Variants in ADAM22 observed in about 807,000 individuals in gnomAD.
The protein encoded by ADAM22 is ADAM metallopeptidase domain 22.
ADAM22 carries 65 observed loss-of-function variants against 144.6 expected under a neutral mutation model. That is an observed-to-expected ratio of 0.45 (90% CI 0.37 to 0.55). The LOEUF is 0.55. Among genes scored for constraint, ADAM22 ranks in the 20% least tolerant of loss-of-function variants. The probability of loss-of-function intolerance (pLI) is 0.00; values close to 1 mark genes in which losing one functional copy is unlikely to be tolerated. For missense variants in ADAM22, 974 were observed against 1,184.9 expected (o/e 0.82, Z 2.61); for synonymous variants, 391 against 412.6 (o/e 0.95, Z 0.63).
At chr7:88,192,725 T>C in intron 30 of ADAM22, among the ~76,000 whole-genome samples, 1 of 152,312 alleles carries the variant, frequency 6.6e-6, no homozygotes, top group Middle Eastern at 3.4e-3. Flanking sequence ...TTATCGTACT[T>C]AAACATTTTT....
At chr7:88,058,059 A>C (rs979014191) in intron 3 of ADAM22, among the ~76,000 whole-genome samples, 2 of 152,220 alleles carry the variant, frequency 1.3e-5, no homozygotes, top group Non-Finnish European at 2.9e-5. Context: ...TTATAATGAT[A>C]GTGAGGGTAT....
At chr7:88,157,643 G>T (rs1459254678) in intron 22 of ADAM22, among the ~76,000 whole-genome samples, 1 of 152,090 alleles carries the variant, frequency 6.6e-6, no homozygotes, top group African/African-American at 2.4e-5. Context: ...AAGTGATAGT[G>T]AGGCGAAAGT....
rs567039729 is a variant in ADAM22, at chr7:88,031,470, C to T, written c.324-44156C>T. The stretch of plus-strand genomic sequence containing the variant: ...ACTTATTGGGGACTGGAGTAAAGGT[C>T]ACTCTTGCTTTGCTTTAGCAGAGAC... On this transcript the variant is annotated intron_variant, in intron 3 of 31. Transcript: ENST00000413139. Among the ~76,000 whole-genome samples the T allele has an allele frequency of 1.2e-4, 18 of 152,330 alleles. No individual in the cohort carries two copies. The East Asian group carries it at 2.7e-3, about 23-fold the overall frequency.
chr7:88,075,828 A>G (rs1194968088), intron 4 of ADAM22, 136 bp downstream of exon 4: 2 of 727,600 alleles, frequency 2.7e-6, no homozygotes, highest in Non-Finnish European at 4.5e-6. Flanking sequence ...TTGAAGTTTT[A>G]TCACCCACTT....
At chr7:87,994,891 G>C (rs1439634195) in intron 3 of ADAM22, among the ~76,000 whole-genome samples, 1 of 151,820 alleles carries the variant, frequency 6.6e-6, no homozygotes, top group Non-Finnish European at 1.5e-5. Context: ...GCAGTGGCGC[G>C]ATCTCCGCTC....
chr7:88,082,653 C>T (rs1817105817), intron 4 of ADAM22, among the ~76,000 whole-genome samples: 2 of 152,100 alleles, frequency 1.3e-5, no homozygotes, highest in Admixed American at 6.5e-5. Flanking sequence ...AAAAAACAAA[C>T]AACCCCATCA....
intron 20 of ADAM22, among the ~76,000 whole-genome samples, chr7:88,151,564 G>A (rs1438198571): frequency 6.6e-6 from 1 of 152,178 alleles, no homozygotes; most frequent in African/African-American, 2.4e-5. Context: ...TTGCTGCCAG[G>A]CAGATGGAGC....
Position 88,196,603 on chromosome 7 carries a change from C to A in ADAM22, c.*112C>A. On this transcript the variant is annotated 3_prime_UTR_variant, in exon 32 of 32. Coordinates refer to ENST00000413139, the MANE Select transcript of ADAM22 (RefSeq NM_001324418.2). The stretch of plus-strand genomic sequence containing the variant: ...CTGCTCTTCAGACAATACGAAGACC[C>A]TCTGAGATGCTACAGAGGAGAGGAA... The A allele has an allele frequency of 1.7e-6, 2 of 1,171,786 alleles. No homozygotes were observed. Among genetic ancestry groups the A allele is most frequent in the South Asian group, 2.5e-5 (2 of 80,938 alleles). 72.6% of individuals were successfully genotyped at this position (1,171,786 alleles called of 1,614,324 possible).
At chr7:88,085,350 A>T (rs1230898771) in intron 4 of ADAM22, among the ~76,000 whole-genome samples, 1 of 152,172 alleles carries the variant, frequency 6.6e-6, no homozygotes, top group Admixed American at 6.5e-5. Context: ...CAATGGCTAG[A>T]AACCAGTTGA....
chr7:88,019,497 C>T (rs1797258406), intron 3 of ADAM22, among the ~76,000 whole-genome samples: 1 of 151,426 alleles, frequency 6.6e-6, no homozygotes, highest in African/African-American at 2.4e-5. Context: ...GAAATAAATA[C>T]ACAAAGTTTA....
intron 5 of ADAM22, among the ~76,000 whole-genome samples, chr7:88,109,982 T>C (rs1474412832): frequency 3.3e-5 from 5 of 152,120 alleles, no homozygotes; most frequent in Admixed American, 3.3e-4. Context: ...ATAAGCATAT[T>C]AGGCAGAAAG....
intron 2 of ADAM22, among the ~76,000 whole-genome samples, chr7:87,974,765 C>G (rs757535724): frequency 1.8e-4 from 28 of 152,172 alleles, no homozygotes; most frequent in Admixed American, 7.9e-4. Flanking sequence ...ATAGGTCTTA[C>G]AAGGATAAGA....
At position 88,197,381 on chromosome 7, in the gene ADAM22, C is replaced by T. The variant is rs1294196320; in HGVS notation, c.*890C>T. On this transcript the variant is annotated 3_prime_UTR_variant, in exon 32 of 32. Coordinates refer to ENST00000413139, the MANE Select transcript of ADAM22 (RefSeq NM_001324418.2). ...GTAGTTGAGTGAGAGAACAAAATGC[C>T]CAGCAAAACTTCTGGCCTCCACAGT... 6.6e-6 allele frequency: 1 copy of T among 152,146 alleles called. No individual in the cohort carries two copies. Among genetic ancestry groups the T allele is most frequent in the African/African-American group, 2.4e-5 (1 of 41,430 alleles). 9.4% of individuals were successfully genotyped at this position (152,146 alleles called of 1,614,324 possible). A position where few individuals can be genotyped will look rare whatever the true frequency, so the allele number is the denominator to read the frequency against.
chr7:88,061,551 G>C (rs1367591607), intron 3 of ADAM22, among the ~76,000 whole-genome samples: 1 of 152,152 alleles, frequency 6.6e-6, no homozygotes, highest in Non-Finnish European at 1.5e-5. Context: ...GAGCTCTTAG[G>C]TGACTAGTTG....
rs1843379663 is a variant in ADAM22 at position 88,168,234 on chromosome 7, G to A, written c.2282+7G>A. 1 of 1,609,310 alleles carries A rather than the reference G, an allele frequency of 6.2e-7. No homozygotes were observed. Among genetic ancestry groups the A allele is most frequent in the Non-Finnish European group, 8.5e-7 (1 of 1,176,132 alleles). On this transcript the variant is annotated splice_region_variant and intron_variant, in intron 25 of 31. Transcript: ENST00000413139. ...TAACTGCGTGGGGTTATAAGTAAGT[G>A]AAATGTCTCAGTCTTGTTACTATTG...
At chr7:87,969,212 T>A (rs1849853352) in intron 2 of ADAM22, among the ~76,000 whole-genome samples, 1 of 152,238 alleles carries the variant, frequency 6.6e-6, no homozygotes, top group African/African-American at 2.4e-5. Flanking sequence ...TACTTCCATC[T>A]TGATCTTCCA....
chr7:88,108,690 C>T (rs1825173858), intron 5 of ADAM22, among the ~76,000 whole-genome samples: 1 of 151,656 alleles, frequency 6.6e-6, no homozygotes, highest in Non-Finnish European at 1.5e-5. Flanking sequence ...GACCATGCCA[C>T]TGCACTCCAG....
chr7:88,073,885 TG>T (rs1813485210), intron 3 of ADAM22, among the ~76,000 whole-genome samples: 1 of 152,254 alleles, frequency 6.6e-6, no homozygotes, highest in African/African-American at 2.4e-5. Flanking sequence ...GGCTGTGGCT[TG>T]CCAGTTAGCC....
At chr7:87,982,242 G>A (rs1011838080) in intron 3 of ADAM22, among the ~76,000 whole-genome samples, 61 of 151,936 alleles carry the variant, frequency 4.0e-4, no homozygotes, top group Non-Finnish European at 8.7e-4. Flanking sequence ...AACAAACAAT[G>A]AACATGTTAA....
Sources: allele counts gnomAD v4.1 joint callset (sites outside exome capture counted in the v4.1 genomes callset), GRCh38; gene constraint gnomAD v4.1.1; transcripts MANE v1.5; gene names NCBI Gene and HGNC (gene_info 2026-07-23, HGNC 2026-07-21).